The following KLF8 variants were observed in gnomAD, a reference collection of about 807,000 sequenced individuals.
KLF8 encodes KLF transcription factor 8, also known as Krueppel-like factor 8.
In KLF8, 10 loss-of-function variants were observed where a neutral mutation model predicts 18.2. That is an observed-to-expected ratio of 0.55 (90% confidence interval 0.34 to 0.93). The LOEUF (loss-of-function observed/expected upper bound fraction) is 0.93, where lower values mean the gene tolerates loss of function less well. KLF8 is among the 40% of genes least tolerant of loss of function. The probability of loss-of-function intolerance (pLI) is 0.02; values close to 1 mark genes in which losing one functional copy is unlikely to be tolerated. For missense variants in KLF8, 264 were observed against 277.9 expected, an observed-to-expected ratio of 0.95 and a Z score of 0.36; for synonymous variants, 109 against 97.3, an observed-to-expected ratio of 1.12 and a Z score of -0.71.
At chrX:56,162,451 C>T in the KLF8 span, among the ~76,000 whole-genome samples, 2 of 111,962 alleles carry the variant, frequency 1.8e-5, no homozygotes, top group African/African-American at 3.2e-5. Flanking sequence ...TGTTTACCTA[C>T]TCAAGCCTCG....
chrX:56,112,062 G>A, the KLF8 span, among the ~76,000 whole-genome samples: 3 of 111,855 alleles, frequency 2.7e-5, no homozygotes, highest in Admixed American at 2.8e-4. Flanking sequence ...GTTCACAATA[G>A]CAAAGACTTG....
the KLF8 span, among the ~76,000 whole-genome samples, chrX:56,173,791 G>A: frequency 9.0e-6 from 1 of 111,466 alleles, no homozygotes; most frequent in African/African-American, 3.3e-5. Flanking sequence ...GTGGTTTGTA[G>A]TTCTCCTTGA....
chrX:56,111,617 A>T, the KLF8 span, among the ~76,000 whole-genome samples: 8,872 of 111,777 alleles, frequency 0.079, 875 homozygotes, highest in African/African-American at 0.28. Context: ...TACAAAGAAC[A>T]TAAAACAAAT....
chrX:56,266,692 C>A, intron 3 of KLF8: 1 of 753,820 alleles, frequency 1.3e-6, no homozygotes, highest in South Asian at 6.8e-5. Context: ...CAGGAATGAT[C>A]AAGGAAAATT....
chrX:56,092,496 G>A, the KLF8 span, among the ~76,000 whole-genome samples: 1 of 111,164 alleles, frequency 9.0e-6, no homozygotes, highest in Non-Finnish European at 1.9e-5. Flanking sequence ...TAGTTTCATT[G>A]TTATGCATGT....
At chrX:55,988,933 G>T in the KLF8 span, among the ~76,000 whole-genome samples, 4 of 111,293 alleles carry the variant, frequency 3.6e-5, no homozygotes, top group Non-Finnish European at 7.5e-5. Context: ...TTGTAAGTTG[G>T]ATTCCTAGGT....
At chrX:56,130,523 C>T in the KLF8 span, among the ~76,000 whole-genome samples, 3 of 111,603 alleles carry the variant, frequency 2.7e-5, no homozygotes, top group Non-Finnish European at 3.8e-5. Flanking sequence ...CCGAGATCTT[C>T]GCTCTGACAT....
At chrX:56,237,653 T>A (rs998672751) in intron 1 of KLF8, among the ~76,000 whole-genome samples, 3 of 112,389 alleles carry the variant, frequency 2.7e-5, no homozygotes, top group African/African-American at 9.7e-5. Context: ...TTTAAGTTAT[T>A]TCCAAACTTT....
the KLF8 span, among the ~76,000 whole-genome samples, chrX:55,980,915 G>A: frequency 8.0e-5 from 9 of 112,423 alleles, no homozygotes; most frequent in Admixed American, 7.5e-4. Flanking sequence ...TAAGTAGGCC[G>A]GGCCCGGTGG....
chrX:56,194,356 A>C, the KLF8 span, among the ~76,000 whole-genome samples: 1 of 111,842 alleles, frequency 8.9e-6, no homozygotes, highest in Non-Finnish European at 1.9e-5. Flanking sequence ...GGACACTCCC[A>C]CCCCAATACT....
At chrX:56,047,248 TTTTG>T in the KLF8 span, among the ~76,000 whole-genome samples, 4 of 110,472 alleles carry the variant, frequency 3.6e-5, no homozygotes, top group African/African-American at 9.9e-5. Flanking sequence ...TATTTGTCTT[TTTTG>T]TTTATTTTTT....
At chrX:56,082,749 C>T in the KLF8 span, among the ~76,000 whole-genome samples, 1 of 111,324 alleles carries the variant, frequency 9.0e-6, no homozygotes, top group Non-Finnish European at 1.9e-5. Context: ...TGTGAAATTT[C>T]CACTTTTTCT....
At chrX:56,096,301 G>C in the KLF8 span, among the ~76,000 whole-genome samples, 1 of 111,040 alleles carries the variant, frequency 9.0e-6, no homozygotes, top group Admixed American at 9.6e-5. Flanking sequence ...AAATATGCGA[G>C]GGTAGGAGGC....
chrX:56,015,862 G>A, the KLF8 span, among the ~76,000 whole-genome samples: 3 of 111,888 alleles, frequency 2.7e-5, no homozygotes, highest in South Asian at 7.4e-4. Context: ...CAAAATGGAA[G>A]CCGCAGAAAT....
At chrX:56,137,824 G>A in the KLF8 span, among the ~76,000 whole-genome samples, 1 of 108,498 alleles carries the variant, frequency 9.2e-6, no homozygotes, top group Non-Finnish European at 1.9e-5. Context: ...CAATCCCAAT[G>A]CTACCATACC....
the KLF8 span, among the ~76,000 whole-genome samples, chrX:56,031,015 C>T: frequency 9.0e-6 from 1 of 110,680 alleles, no homozygotes. Flanking sequence ...AGAGACCTCT[C>T]CAGGCTTCCT....
chrX:56,263,655 C>T (rs1415954592), intron 2 of KLF8, among the ~76,000 whole-genome samples: 1 of 111,752 alleles, frequency 8.9e-6, no homozygotes, highest in Non-Finnish European at 1.9e-5. Flanking sequence ...CCCTTATTAT[C>T]TCTCACCTAA....
At position 56,290,268 on chromosome X, in the gene KLF8, C is replaced by T. The variant is rs985672066; in HGVS notation, c.*5774C>T. On this transcript the variant is annotated 3_prime_UTR_variant, in exon 6 of 6. Transcript: ENST00000468660. ...CTCACAGGAATGTTGTGAGGCTTCT[C>T]ATAAATTGATTTTGGCAAAAATGAA... Among the ~76,000 whole-genome samples, 1 of 111,469 alleles carries T rather than the reference C, an allele frequency of 9.0e-6. No individual in the cohort carries two copies. The highest frequency in any genetic ancestry group is 1.9e-5 in the Non-Finnish European group (1 of 53,051).
At chrX:56,119,973 C>A in the KLF8 span, among the ~76,000 whole-genome samples, 1 of 106,489 alleles carries the variant, frequency 9.4e-6, no homozygotes, top group South Asian at 4.0e-4. Context: ...TTTACACTAG[C>A]GGAGGGTGTT....
Sources: gnomAD v4.1 joint callset for allele counts (sites outside exome capture counted in the v4.1 genomes callset) on GRCh38, gnomAD v4.1.1 for gene constraint, MANE v1.5 for transcripts, NCBI Gene and HGNC (gene_info 2026-07-23, HGNC 2026-07-21) for gene names.